Variants in ZMIZ1 observed in about 807,000 individuals in gnomAD.
ZMIZ1 encodes the protein zinc finger MIZ domain-containing protein 1.
A neutral mutation model predicts 113.9 loss-of-function variants in ZMIZ1; 17 were observed. The ratio of observed to expected loss-of-function variants is 0.15; its 90% CI spans 0.10 to 0.22. The LOEUF is 0.22. Ranked by LOEUF, ZMIZ1 falls within the 10% of genes least tolerant of loss-of-function variation. The probability of loss-of-function intolerance (pLI) is 1.00; values close to 1 mark genes in which losing one functional copy is unlikely to be tolerated. For missense variants in ZMIZ1, 1,059 were observed against 1,477.8 expected (o/e 0.72, Z 4.65); for synonymous variants, 607 against 603.1 (o/e 1.01, Z -0.09).
intron 7 of ZMIZ1, among the ~76,000 whole-genome samples, chr10:79,253,643 C>T (rs928003454): frequency 2.6e-5 from 4 of 152,144 alleles, no homozygotes; most frequent in Admixed American, 1.3e-4. Context: ...CTTCCAAGTC[C>T]GAGGCTTCAG....
chr10:79,149,016 G>A (rs924907682), intron 3 of ZMIZ1, among the ~76,000 whole-genome samples: 1 of 152,242 alleles, frequency 6.6e-6, no homozygotes, highest in South Asian at 2.1e-4. Context: ...GTCAGTTCCT[G>A]CCTAAGCTGG....
At chr10:79,125,368 G>A (rs1435053629) in intron 2 of ZMIZ1, among the ~76,000 whole-genome samples, 1 of 152,240 alleles carries the variant, frequency 6.6e-6, no homozygotes, top group Non-Finnish European at 1.5e-5. Flanking sequence ...GCTAGAGCAG[G>A]TAGGCAGCAT....
intron 19 of ZMIZ1, 127 bp downstream of exon 19, chr10:79,304,302 G>A (rs1854537303): frequency 8.0e-7 from 1 of 1,257,364 alleles, no homozygotes; most frequent in Admixed American, 2.7e-5. Flanking sequence ...GAGATCAGCA[G>A]CTGGCGTCAC....
chr10:79,220,148 G>A (rs1384777235), intron 7 of ZMIZ1, among the ~76,000 whole-genome samples: 4 of 152,304 alleles, frequency 2.6e-5, no homozygotes, highest in Non-Finnish European at 5.9e-5. Flanking sequence ...CGTCTGTGAA[G>A]AGAGCTGATT....
intron 2 of ZMIZ1, among the ~76,000 whole-genome samples, chr10:79,124,563 A>G (rs768319819): frequency 1.3e-5 from 2 of 152,194 alleles, no homozygotes; most frequent in East Asian, 1.9e-4. Flanking sequence ...AGGCCCTGGT[A>G]TCCAATAGTG....
chr10:79,291,286 T>TGTTC, intron 10 of ZMIZ1, 110 bp downstream of exon 10: 1 of 1,312,874 alleles, frequency 7.6e-7, no homozygotes. Context: ...CCTGAGAAGT[T>TGTTC]ATCCTCTGTT....
At chr10:79,188,774 G>A (rs529572947) in intron 4 of ZMIZ1, among the ~76,000 whole-genome samples, 42 of 152,224 alleles carry the variant, frequency 2.8e-4, no homozygotes, top group Middle Eastern at 3.4e-3. Flanking sequence ...TAGTTCTGTG[G>A]GATTTTAAAA....
chr10:79,166,585 A>T (rs947724263), intron 4 of ZMIZ1, among the ~76,000 whole-genome samples: 6 of 152,228 alleles, frequency 3.9e-5, no homozygotes, highest in Non-Finnish European at 7.3e-5. Context: ...GGAGCAGGAG[A>T]ACGAGAGGCG....
chr10:79,238,090 C>A (rs1188478374), intron 7 of ZMIZ1, among the ~76,000 whole-genome samples: 1 of 152,092 alleles, frequency 6.6e-6, no homozygotes. Context: ...TAGCCTGGGG[C>A]TGAGCAGGTA....
chr10:79,272,637 A>C (rs1167175104), intron 7 of ZMIZ1, among the ~76,000 whole-genome samples: 1 of 152,252 alleles, frequency 6.6e-6, no homozygotes, highest in Non-Finnish European at 1.5e-5. Context: ...GGTGCTCAGC[A>C]GCCAGTTGTT....
intron 4 of ZMIZ1, among the ~76,000 whole-genome samples, chr10:79,198,493 G>A (rs1451186233): frequency 6.6e-6 from 1 of 152,114 alleles, no homozygotes; most frequent in African/African-American, 2.4e-5. Flanking sequence ...GGGCTTCAGG[G>A]TGTGACATGT....
chr10:79,139,905 C>G, intron 3 of ZMIZ1, 128 bp downstream of exon 3: 1 of 398,080 alleles, frequency 2.5e-6, no homozygotes, highest in Non-Finnish European at 4.4e-6. Context: ...CTTCTCACAG[C>G]CTTTCCTGGG....
intron 4 of ZMIZ1, among the ~76,000 whole-genome samples, chr10:79,177,632 A>T (rs933091189): frequency 1.3e-5 from 2 of 152,220 alleles, no homozygotes; most frequent in Non-Finnish European, 2.9e-5. Context: ...GTCCCTGAGG[A>T]GGCTCTTGTG....
At chr10:79,232,995 G>A (rs760899394) in intron 7 of ZMIZ1, among the ~76,000 whole-genome samples, 4 of 152,202 alleles carry the variant, frequency 2.6e-5, no homozygotes, top group Non-Finnish European at 2.9e-5. Context: ...CTCCCTCTTG[G>A]CTCCTGGCTT....
intron 7 of ZMIZ1, among the ~76,000 whole-genome samples, chr10:79,244,922 C>G (rs748419119): frequency 6.6e-6 from 1 of 152,182 alleles, no homozygotes; most frequent in Non-Finnish European, 1.5e-5. Flanking sequence ...AGGCCCTGTC[C>G]CAGGGGTTGC....
intron 4 of ZMIZ1, among the ~76,000 whole-genome samples, chr10:79,187,205 C>A (rs545989790): frequency 2.6e-5 from 4 of 152,360 alleles, no homozygotes; most frequent in Admixed American, 2.0e-4. Flanking sequence ...CCCGTCCCCA[C>A]TTCATCAAGG....
chr10:79,297,549 G>T, intron 13 of ZMIZ1, 64 bp from the exon 14 acceptor site: 1 of 1,405,150 alleles, frequency 7.1e-7, no homozygotes, highest in Non-Finnish European at 1.0e-6. Context: ...ACTGTCCAGA[G>T]GGAGAGCGGG....
intron 9 of ZMIZ1, chr10:79,290,614 C>T (rs1853422088): frequency 2.2e-6 from 1 of 458,790 alleles, no homozygotes; most frequent in East Asian, 5.2e-5. Context: ...GGCTTCATGG[C>T]CAGGGCTCTC....
intron 7 of ZMIZ1, among the ~76,000 whole-genome samples, chr10:79,246,702 A>G (rs1284845425): frequency 6.6e-6 from 1 of 152,156 alleles, no homozygotes; most frequent in African/African-American, 2.4e-5. Flanking sequence ...CGGCTGCAGG[A>G]GGAAACTCTC....
Sources: allele counts gnomAD v4.1 joint callset (sites outside exome capture counted in the v4.1 genomes callset), GRCh38; gene constraint gnomAD v4.1.1; transcripts MANE v1.5; gene names NCBI Gene and HGNC (gene_info 2026-07-23, HGNC 2026-07-21).